CLASP2: variants seen among roughly 807,000 people sequenced by gnomAD.
CLASP2 encodes the protein cytoplasmic linker associated protein 2, also known as CLIP-associating protein 2.
A neutral mutation model predicts 194.4 loss-of-function variants in CLASP2; 47 were observed. The observed-to-expected ratio is 0.24, with a 90% CI of 0.19 to 0.31. The LOEUF (loss-of-function observed/expected upper bound fraction) is 0.31. Among genes scored for constraint, CLASP2 ranks in the 10% least tolerant of loss-of-function variants. The pLI is 1.00. For synonymous variants in CLASP2, 619 were observed against 633.5 expected (o/e 0.98, Z 0.34); for missense variants, 1,445 against 1,823.6 (o/e 0.79, Z 3.78).
chr3:33,510,883 C>T lies in CLASP2; in HGVS notation c.4111-119G>A. ...TATGGAATTTGCTTTGAAAATGCTA[C>T]AGTAAACAAACATGAAAAGTGAGGG... On this transcript the variant is annotated intron_variant, in intron 36 of 38. Coordinates refer to ENST00000682230, the MANE Select transcript of CLASP2 (RefSeq NM_001365631.1). 5.5e-6 allele frequency: 5 copies of T among 905,110 alleles called. No homozygotes were observed. In the East Asian group the frequency reaches 1.3e-4, roughly 24 times the overall value. The allele number at this position is 905,110 out of a possible 1,614,324, so 56.1% of individuals were successfully genotyped here.
chr3:33,615,898 A>C (rs1037487395), intron 12 of CLASP2, among the ~76,000 whole-genome samples: 7 of 152,150 alleles, frequency 4.6e-5, no homozygotes. Context: ...TAAATAAAAC[A>C]TGGTAAATTT....
At chr3:33,533,880 C>T (rs1019237905) in intron 34 of CLASP2, among the ~76,000 whole-genome samples, 8 of 152,072 alleles carry the variant, frequency 5.3e-5, no homozygotes, top group African/African-American at 1.9e-4. Context: ...CCACGCCCAG[C>T]TAATTTTCAT....
chr3:33,603,685 C>T (rs376798326), intron 17 of CLASP2, among the ~76,000 whole-genome samples: 3 of 151,986 alleles, frequency 2.0e-5, no homozygotes, highest in Non-Finnish European at 2.9e-5. Context: ...TGCAGTGGCG[C>T]GATCTCGACT....
chr3:33,654,970 C>A, intron 7 of CLASP2, among the ~76,000 whole-genome samples: 1 of 152,088 alleles, frequency 6.6e-6, no homozygotes, highest in East Asian at 1.9e-4. Flanking sequence ...AGACTTTGAA[C>A]AGTCCAATGA....
Position 33,501,639 on chromosome 3 carries a change from C to T in CLASP2, c.4434+13G>A. Reference sequence around the variant, plus strand: ...TATGGCCACCATCTCTAAAACACAGCAGCACTACTTACTTTACTGCCAGTA... The same window carrying T: ...TATGGCCACCATCTCTAAAACACAGTAGCACTACTTACTTTACTGCCAGTA... On this transcript the variant is annotated intron_variant, in intron 38 of 38. Transcript: ENST00000682230. 2.0e-6 allele frequency: 3 copies of T among 1,504,610 alleles called. No homozygotes were observed. In the South Asian group the frequency reaches 3.4e-5, roughly 17 times the overall value. The allele number at this position is 1,504,610 out of a possible 1,614,324, so 93.2% of individuals were successfully genotyped here. A position where few individuals can be genotyped will look rare whatever the true frequency, so the allele number is the denominator to read the frequency against.
intron 33 of CLASP2, among the ~76,000 whole-genome samples, chr3:33,535,855 G>C (rs1266296390): frequency 6.6e-6 from 1 of 150,738 alleles, no homozygotes; most frequent in East Asian, 1.9e-4. Flanking sequence ...TTAAGGTAAT[G>C]GTATATCATA....
At chr3:33,647,343 C>T (rs986924192) in intron 7 of CLASP2, among the ~76,000 whole-genome samples, 5 of 152,112 alleles carry the variant, frequency 3.3e-5, no homozygotes, top group African/African-American at 1.2e-4. Flanking sequence ...TGAGCATCAC[C>T]GGGCAATTTG....
At chr3:33,703,129 C>T (rs1050100759) in intron 1 of CLASP2, among the ~76,000 whole-genome samples, 3 of 152,134 alleles carry the variant, frequency 2.0e-5, no homozygotes, top group Non-Finnish European at 2.9e-5. Flanking sequence ...AAATTAAAAA[C>T]TTCTGTTCTA....
rs1403195210 is a variant in CLASP2, at chr3:33,708,584, CCCA to C, written c.195+9221_195+9223del. On this transcript the variant is annotated intron_variant, in intron 1 of 38. Coordinates refer to ENST00000682230, the MANE Select transcript of CLASP2 (RefSeq NM_001365631.1). ...TATACATACACACACACACACACCC[CCCA>C]CATTTTCTTTATCCATTCATCTGTT... Among the ~76,000 whole-genome samples, 5 of 148,418 alleles carry C rather than the reference CCCA, an allele frequency of 3.4e-5. No individual in the cohort carries two copies. In the East Asian group the frequency reaches 7.8e-4, roughly 23 times the overall value.
intron 1 of CLASP2, among the ~76,000 whole-genome samples, chr3:33,713,280 G>C (rs1490247856): frequency 6.6e-6 from 1 of 152,064 alleles, no homozygotes; most frequent in Non-Finnish European, 1.5e-5. Flanking sequence ...TTTCAGAATT[G>C]AAAAGGGAGA....
At chr3:33,567,837 G>A (rs369069831) in intron 26 of CLASP2, among the ~76,000 whole-genome samples, 1 of 152,052 alleles carries the variant, frequency 6.6e-6, no homozygotes, top group African/African-American at 2.4e-5. Flanking sequence ...CAAAAGGTAC[G>A]TCTTGTCTAC....
intron 1 of CLASP2, among the ~76,000 whole-genome samples, chr3:33,711,340 G>A (rs2092996293): frequency 6.6e-6 from 1 of 151,078 alleles, no homozygotes; most frequent in African/African-American, 2.4e-5. Flanking sequence ...CTGCCTACCA[G>A]GTTCAAGGGA....
intron 2 of CLASP2, among the ~76,000 whole-genome samples, chr3:33,694,462 G>A (rs146437177): frequency 7.9e-4 from 120 of 152,174 alleles, no homozygotes; most frequent in African/African-American, 2.7e-3. Context: ...TTAATAACAG[G>A]GAGCTACTAC....
intron 19 of CLASP2, 64 bp downstream of exon 19, chr3:33,596,647 G>C (rs1249037640): frequency 3.2e-5 from 35 of 1,083,772 alleles, no homozygotes; most frequent in Non-Finnish European, 4.3e-5. Context: ...GAATGAACAA[G>C]GATATTATAT....
intron 21 of CLASP2, among the ~76,000 whole-genome samples, chr3:33,586,964 C>A (rs1342537216): frequency 6.6e-6 from 1 of 152,056 alleles, no homozygotes; most frequent in African/African-American, 2.4e-5. Context: ...CTTTTTAGTT[C>A]TAGCCACCTT....
At chr3:33,588,857 C>T (rs889618494) in intron 21 of CLASP2, 5 of 610,062 alleles carry the variant, frequency 8.2e-6, no homozygotes, top group Non-Finnish European at 1.5e-5. Context: ...ATTAAAAAAC[C>T]CTAAGGCAAA....
At position 33,717,929 on chromosome 3, in the gene CLASP2, C is replaced by G; in HGVS notation, c.74G>C (p.Gly25Ala). 2 of 1,550,154 alleles carry G rather than the reference C, an allele frequency of 1.3e-6. No homozygotes were observed. Among genetic ancestry groups the G allele is most frequent in the Non-Finnish European group, 1.7e-6 (2 of 1,147,948 alleles). The change falls in exon 1 of 39, where the codon GGC becomes GCC. Residue 25 changes from glycine to alanine, a missense_variant. Transcript: ENST00000682230. ...QKDVGGRLQV[G>A]QELLLYLGAP... ...GCCAAGGTAGAGCAGGAGCTCCTGG[C>G]CGACCTGCAGCCGGCCGCCGACGTC...
At chr3:33,517,669 C>CT (rs143972533) in intron 34 of CLASP2, among the ~76,000 whole-genome samples, 15 of 152,034 alleles carry the variant, frequency 9.9e-5, no homozygotes, top group East Asian at 5.8e-4. Flanking sequence ...AATCATCCCC[C>CT]TTTTTTTTCT....
At position 33,627,247 on chromosome 3, in the gene CLASP2, C is replaced by A. The variant is rs775469216; in HGVS notation, c.943-167G>T. ...TTATAGACAATAATAACACAAAATGCTTTATTTTTCTTCCTTACTTGTTAC... is the reference window on the plus strand; with the variant it reads ...TTATAGACAATAATAACACAAAATGATTTATTTTTCTTCCTTACTTGTTAC... On this transcript the variant is annotated intron_variant, in intron 9 of 38. Transcript: ENST00000682230. 9.7e-6 allele frequency: 6 copies of A among 620,846 alleles called. No homozygotes were observed. In the East Asian group the frequency reaches 1.8e-4, roughly 18 times the overall value. 38.5% of individuals were successfully genotyped at this position (620,846 alleles called of 1,614,324 possible).
Sources: allele counts gnomAD v4.1 joint callset (sites outside exome capture counted in the v4.1 genomes callset), GRCh38; gene constraint gnomAD v4.1.1; transcripts MANE v1.5; gene names NCBI Gene and HGNC (gene_info 2026-07-23, HGNC 2026-07-21).